Variants in MED13 observed in about 807,000 individuals in gnomAD.
MED13 encodes the protein mediator of RNA polymerase II transcription subunit 13.
Under a neutral mutation model 225.2 loss-of-function variants are expected in MED13, and 23 were observed. The ratio of observed to expected loss-of-function variants is 0.10; its 90% CI spans 0.07 to 0.14. MED13 has a LOEUF of 0.14. Among genes scored for constraint, MED13 ranks in the 10% least tolerant of loss-of-function variants. The probability of loss-of-function intolerance (pLI) is 1.00; values close to 1 mark genes in which losing one functional copy is unlikely to be tolerated. For synonymous variants in MED13, 942 were observed against 889.2 expected (o/e 1.06, Z -1.06); for missense variants, 2,197 against 2,594.5 (o/e 0.85, Z 3.33).
At chr17:62,064,854 C>T (rs368379739) in intron 1 of MED13, among the ~76,000 whole-genome samples, 1 of 152,210 alleles carries the variant, frequency 6.6e-6, no homozygotes, top group East Asian at 1.9e-4. Flanking sequence ...GGAAAGGTTA[C>T]TGTCCTGCCA....
In MED13 at chr17:61,982,958, T is replaced by G; in HGVS notation, c.3045A>C (p.Pro1015=). The part of the protein sequence containing the change: ...STPRFPTPRT[P]RTPRTPRGAG... ...CTCCACGAGGAGTCCGAGGAGTCCT[T>G]GGAGTCCTTGGAGTTGGAAACCGAG... is the stretch of plus-strand genomic sequence containing the variant. Residue 1015 remains proline (P), a synonymous_variant, in exon 16 of 30, where the codon CCA becomes CCC. Coordinates refer to ENST00000397786, the MANE Select transcript of MED13 (RefSeq NM_005121.3). 1 of 1,613,970 alleles carries G rather than the reference T, an allele frequency of 6.2e-7. No individual in the cohort carries two copies. The highest frequency in any genetic ancestry group is 1.1e-5 in the South Asian group (1 of 91,056).
rs1333222067 is a variant in MED13, at chr17:62,011,104, G to A, written c.1413C>T (p.Arg471=). The change falls in exon 9 of 30, where the codon CGC becomes CGT. Residue 471 remains arginine (R), a synonymous_variant. Transcript: ENST00000397786. The stretch of plus-strand genomic sequence containing the variant: ...CACGATGGTGAAAAGGAGTCAAGGG[G>A]CGTTTCTGTGGCTTTTCACTCTTTT... ...KQEKSEKPQK[R]PLTPFHHRVS... The A allele has an allele frequency of 6.2e-7, 1 of 1,614,186 alleles. No homozygotes were observed. The highest frequency in any genetic ancestry group is 8.5e-7 in the Non-Finnish European group (1 of 1,180,022).
At chr17:61,949,769 C>A (rs2079881546) in intron 28 of MED13, among the ~76,000 whole-genome samples, 2 of 152,130 alleles carry the variant, frequency 1.3e-5, no homozygotes, top group Non-Finnish European at 2.9e-5. Context: ...CTCACTGCAA[C>A]CTTTACCTGC....
chr17:62,015,970 T>A lies in MED13; in HGVS notation c.1284-4737A>T, dbSNP rs1271191355. ...TATATATATATTTTTTTTTTTTTTT[T>A]TTTTTTTTTTTTTAGTAGAGACCGG... On this transcript the variant is annotated intron_variant, in intron 8 of 29. Coordinates refer to ENST00000397786, the MANE Select transcript of MED13 (RefSeq NM_005121.3). Among the ~76,000 whole-genome samples the A allele has an allele frequency of 1.7e-3, 108 of 62,060 alleles. 6 individuals are homozygous for A. In the East Asian group the frequency reaches 0.022, roughly 13 times the overall value. 40.7% of individuals were successfully genotyped at this position (62,060 alleles called of 152,430 possible). A position where few individuals can be genotyped will look rare whatever the true frequency, so the allele number is the denominator to read the frequency against.
intron 17 of MED13, among the ~76,000 whole-genome samples, chr17:61,969,679 C>T (rs1310087054): frequency 6.6e-6 from 1 of 152,004 alleles, no homozygotes; most frequent in Non-Finnish European, 1.5e-5. Context: ...TCCACTCACT[C>T]CAACCTCCAC....
At chr17:61,957,918 G>A (rs1220658324) in intron 23 of MED13, among the ~76,000 whole-genome samples, 2 of 152,130 alleles carry the variant, frequency 1.3e-5, no homozygotes, top group African/African-American at 4.8e-5. Context: ...AGGCTGGAGT[G>A]CAGTGGTGCG....
At chr17:62,062,598 CACCACACACACA>C (rs1220770301) in intron 2 of MED13, among the ~76,000 whole-genome samples, 24 of 103,478 alleles carry the variant, frequency 2.3e-4, no homozygotes, top group Middle Eastern at 5.9e-3. Context: ...CACACACACA[CACCACACACACA>C]CACACACACA....
chr17:62,003,716 T>C (rs2080419215), intron 9 of MED13: 1 of 151,858 alleles, frequency 6.6e-6, no homozygotes, highest in African/African-American at 2.4e-5. Flanking sequence ...AAAACTCTTT[T>C]ATTCAATCTT....
intron 23 of MED13, among the ~76,000 whole-genome samples, chr17:61,958,243 T>C (rs1273114103): frequency 6.7e-6 from 1 of 148,974 alleles, no homozygotes; most frequent in African/African-American, 2.5e-5. Context: ...TCTCGGCTCA[T>C]GGCAATTTCC....
At position 61,982,904 on chromosome 17, in the gene MED13, T is replaced by G; in HGVS notation, c.3099A>C (p.Ser1033=). 6.2e-7 allele frequency: 1 copy of G among 1,614,202 alleles called. No individual in the cohort carries two copies. The highest frequency in any genetic ancestry group is 1.1e-5 in the South Asian group (1 of 91,074). ...ACAAGTCTGAATTTTCATATTTGAC[T>G]GAACCTTGAGCACTAGCAGGTCCAC... ...GAGGPASAQG[S]VKYENSDLYS... is the part of the protein sequence containing the mutation. Residue 1033 remains serine, a synonymous_variant, in exon 16 of 30, where the codon TCA becomes TCC. Coordinates refer to ENST00000397786, the MANE Select transcript of MED13 (RefSeq NM_005121.3).
rs369801435 is a variant in MED13, at chr17:61,991,980, G to A, written c.2263+560C>T. On this transcript the variant is annotated intron_variant, in intron 11 of 29. Coordinates refer to ENST00000397786, the MANE Select transcript of MED13 (RefSeq NM_005121.3). ...AATTATAATTTAAACAATGGAGACAGGTATGAAGAGAACTGATAGTCTTCG... is the reference window on the plus strand; with the variant it reads ...AATTATAATTTAAACAATGGAGACAAGTATGAAGAGAACTGATAGTCTTCG... Among the ~76,000 whole-genome samples the A allele has an allele frequency of 5.3e-4, 80 of 152,344 alleles. 1 individual carries two copies. The South Asian group carries it at 0.015, about 29-fold the overall frequency.
intron 7 of MED13, 97 bp downstream of exon 7, chr17:62,029,750 TAAAG>T: frequency 6.6e-7 from 1 of 1,506,974 alleles, no homozygotes; most frequent in Non-Finnish European, 9.0e-7. Flanking sequence ...CATTATGAGT[TAAAG>T]AAAAATCAAA....
At chr17:62,016,147 G>T (rs1280588556) in intron 8 of MED13, among the ~76,000 whole-genome samples, 3 of 132,044 alleles carry the variant, frequency 2.3e-5, no homozygotes, top group African/African-American at 9.4e-5. Flanking sequence ...ACAGAAATTT[G>T]TTCAAAAACA....
At chr17:61,984,976 C>G in intron 13 of MED13, 24 bp downstream of exon 13, 4 of 1,609,838 alleles carry the variant, frequency 2.5e-6, no homozygotes, top group Non-Finnish European at 3.4e-6. Flanking sequence ...AAATTTATCT[C>G]GAGCACAGAT....
At chr17:62,016,386 A>G (rs991471810) in intron 8 of MED13, among the ~76,000 whole-genome samples, 7 of 152,160 alleles carry the variant, frequency 4.6e-5, no homozygotes, top group African/African-American at 1.2e-4. Flanking sequence ...ATACTACTGT[A>G]TAAGGAGATG....
chr17:62,030,167 C>A, intron 6 of MED13, 154 bp from the exon 7 acceptor site: 1 of 724,432 alleles, frequency 1.4e-6, no homozygotes. Context: ...CTTTTTGGAA[C>A]CAGATCTCAT....
chr17:62,050,893 T>C (rs2080951118), intron 3 of MED13, among the ~76,000 whole-genome samples: 1 of 152,092 alleles, frequency 6.6e-6, no homozygotes, highest in African/African-American at 2.4e-5. Flanking sequence ...TAATCCCAGC[T>C]ACTTGGGAGA....
At chr17:62,061,261 G>A (rs1603410696) in intron 2 of MED13, among the ~76,000 whole-genome samples, 1 of 152,022 alleles carries the variant, frequency 6.6e-6, no homozygotes, top group East Asian at 1.9e-4. Flanking sequence ...GCTCACACTT[G>A]TAATCCCAGC....
In MED13 at chr17:61,955,660, A is replaced by G. The variant is rs527845352; in HGVS notation, c.5782+20T>C. 3.2e-6 allele frequency: 5 copies of G among 1,582,860 alleles called. No homozygotes were observed. The highest frequency in any genetic ancestry group is 1.4e-5 in the African/African-American group (1 of 72,936). Reference sequence around the variant, plus strand: ...AACTGCATAAAGAATTAAATCTGATATAAACTAAAGATAGCTAACCTGGCA... The same window carrying G: ...AACTGCATAAAGAATTAAATCTGATGTAAACTAAAGATAGCTAACCTGGCA... On this transcript the variant is annotated intron_variant, in intron 25 of 29. Coordinates refer to ENST00000397786, the MANE Select transcript of MED13 (RefSeq NM_005121.3).
Sources: gnomAD v4.1 joint callset for allele counts (sites outside exome capture counted in the v4.1 genomes callset) on GRCh38, gnomAD v4.1.1 for gene constraint, MANE v1.5 for transcripts, NCBI Gene and HGNC (gene_info 2026-07-23, HGNC 2026-07-21) for gene names.